MYO1E: variants seen among roughly 807,000 people sequenced by gnomAD.
MYO1E encodes the protein unconventional myosin-Ie.
MYO1E carries 68 observed loss-of-function variants against 151.1 expected under a neutral mutation model. The observed-to-expected ratio is 0.45, with a 90% CI of 0.37 to 0.55. MYO1E has a LOEUF of 0.55. Ranked by LOEUF, MYO1E falls within the 20% of genes least tolerant of loss-of-function variation. The pLI, the probability that MYO1E is intolerant of heterozygous loss-of-function variation, is 0.00. For synonymous variants in MYO1E, 601 were observed against 501.7 expected (o/e 1.20, Z -2.64); for missense variants, 1,363 against 1,389.3 (o/e 0.98, Z 0.30).
chr15:59,187,329 C>A (rs1335063317), intron 18 of MYO1E, among the ~76,000 whole-genome samples: 1 of 152,120 alleles, frequency 6.6e-6, no homozygotes, highest in Admixed American at 6.5e-5. Flanking sequence ...GGCTAACAGG[C>A]ACATGAAAAA....
intron 4 of MYO1E, among the ~76,000 whole-genome samples, chr15:59,248,486 C>CAA (rs71119447): frequency 0.29 from 16,407 of 56,604 alleles, 3,831 homozygotes; most frequent in African/African-American, 0.54. Context: ...GACTCCATCT[C>CAA]AAAAAAAAAA....
At chr15:59,218,217 A>G in intron 9 of MYO1E, 130 bp from the exon 10 acceptor site, 1 of 1,058,694 alleles carries the variant, frequency 9.4e-7, no homozygotes, top group Non-Finnish European at 1.4e-6. Flanking sequence ...CACGGGCCCC[A>G]AGAGCTTACG....
At chr15:59,150,251 C>A (rs1230131940) in intron 26 of MYO1E, among the ~76,000 whole-genome samples, 1 of 152,210 alleles carries the variant, frequency 6.6e-6, no homozygotes, top group African/African-American at 2.4e-5. Context: ...CCTCTCCTTC[C>A]GGCCTCATGG....
chr15:59,246,787 G>T (rs2080132921), intron 4 of MYO1E, among the ~76,000 whole-genome samples: 1 of 152,162 alleles, frequency 6.6e-6, no homozygotes, highest in African/African-American at 2.4e-5. Flanking sequence ...TACAGAAACT[G>T]CCCAGGTATG....
chr15:59,369,570 T>C (rs548626122), intron 1 of MYO1E, among the ~76,000 whole-genome samples: 4 of 152,302 alleles, frequency 2.6e-5, no homozygotes, highest in African/African-American at 7.2e-5. Context: ...AGAGATTTTT[T>C]TGTACTCTGC....
rs143316577 is a variant in MYO1E, at chr15:59,176,328, G to A, written c.2049+2065C>T. Among the ~76,000 whole-genome samples, 1,401 of 152,254 alleles carry A rather than the reference G, an allele frequency of 9.2e-3. 21 individuals carry two copies. Among genetic ancestry groups the A allele is most frequent in the African/African-American group, 0.031 (1,305 of 41,550 alleles). ...GCCGGCCTCAGCCCCCCAAAGTGCT[G>A]GGATTACAGGCGTGAGCCACTGCGC... On this transcript the variant is annotated intron_variant, in intron 19 of 27. Coordinates refer to ENST00000288235, the MANE Select transcript of MYO1E (RefSeq NM_004998.4).
At chr15:59,215,649 C>CAAAATG (rs1226908276) in intron 10 of MYO1E, among the ~76,000 whole-genome samples, 1 of 152,134 alleles carries the variant, frequency 6.6e-6, no homozygotes, top group Admixed American at 6.5e-5. Context: ...TCCAGGCAAA[C>CAAAATG]AAAATGAAAT....
At chr15:59,162,652 A>AAAAAAAG (rs1248248997) in intron 23 of MYO1E, among the ~76,000 whole-genome samples, 3 of 128,148 alleles carry the variant, frequency 2.3e-5, no homozygotes, top group Admixed American at 2.3e-4. Flanking sequence ...TCTCAAGAAA[A>AAAAAAAG]AAAAAAGAAA....
chr15:59,372,574 G>C lies in MYO1E; in HGVS notation c.-74C>G. The C allele has an allele frequency of 2.6e-6, 4 of 1,519,228 alleles. No homozygotes were observed. Among genetic ancestry groups the C allele is most frequent in the Non-Finnish European group, 3.5e-6 (4 of 1,131,778 alleles). 94.1% of individuals were successfully genotyped at this position (1,519,228 alleles called of 1,614,324 possible). On this transcript the variant is annotated 5_prime_UTR_variant, in exon 1 of 28. Transcript: ENST00000288235. ...ACTGGGGCTGGAACGCAGTCTTCTG[G>C]GCGAACTTCAAAAGTTGGTTCCCCT...
intron 2 of MYO1E, among the ~76,000 whole-genome samples, chr15:59,265,849 C>A (rs1193635367): frequency 6.7e-6 from 1 of 150,142 alleles, no homozygotes; most frequent in Non-Finnish European, 1.5e-5. Flanking sequence ...CACATGTAGT[C>A]CCAGCTACTT....
At chr15:59,324,986 T>C (rs1212118887) in intron 1 of MYO1E, among the ~76,000 whole-genome samples, 1 of 150,380 alleles carries the variant, frequency 6.6e-6, no homozygotes, top group Non-Finnish European at 1.5e-5. Context: ...TGAAGAACTA[T>C]CTTCCCTTCA....
At chr15:59,171,758 A>T in intron 22 of MYO1E, 139 bp downstream of exon 22, 1 of 1,138,898 alleles carries the variant, frequency 8.8e-7, no homozygotes, top group Non-Finnish European at 1.3e-6. Context: ...CCTTTGGGAC[A>T]AAGGGAAATT....
At chr15:59,361,859 T>C (rs1186727635) in intron 1 of MYO1E, among the ~76,000 whole-genome samples, 3 of 152,080 alleles carry the variant, frequency 2.0e-5, no homozygotes, top group African/African-American at 7.2e-5. Context: ...TTTTTTGAGA[T>C]GGAGTCTGGC....
intron 1 of MYO1E, among the ~76,000 whole-genome samples, chr15:59,355,174 A>G (rs2080846459): frequency 6.6e-6 from 1 of 152,166 alleles, no homozygotes; most frequent in Admixed American, 6.5e-5. Context: ...ATACAAACAC[A>G]AACCATGAGC....
At chr15:59,219,000 G>GGAGGCAAA (rs1288576315) in intron 9 of MYO1E, among the ~76,000 whole-genome samples, 1 of 152,158 alleles carries the variant, frequency 6.6e-6, no homozygotes, top group Non-Finnish European at 1.5e-5. Flanking sequence ...TATTTGGGCT[G>GGAGGCAAA]GAGGCAAAAG....
chr15:59,269,381 C>G (rs2080276176), intron 2 of MYO1E, among the ~76,000 whole-genome samples: 1 of 152,346 alleles, frequency 6.6e-6, no homozygotes, highest in Non-Finnish European at 1.5e-5. Flanking sequence ...TCCAGATCCA[C>G]ATCCTGCCAC....
At chr15:59,153,379 A>G (rs2079492421) in intron 26 of MYO1E, among the ~76,000 whole-genome samples, 1 of 152,192 alleles carries the variant, frequency 6.6e-6, no homozygotes, top group Admixed American at 6.5e-5. Context: ...CTCTCTGGAG[A>G]ATGAAATGAA....
chr15:59,258,022 T>C (rs1338922557), intron 3 of MYO1E, among the ~76,000 whole-genome samples: 2 of 152,134 alleles, frequency 1.3e-5, no homozygotes, highest in Admixed American at 1.3e-4. Context: ...TGCCATAAGA[T>C]TTTTGGGCAG....
At chr15:59,229,816 T>G (rs6494080) in intron 6 of MYO1E, among the ~76,000 whole-genome samples, 2 of 151,948 alleles carry the variant, frequency 1.3e-5, no homozygotes, top group African/African-American at 4.8e-5. Flanking sequence ...ATTACTGTCA[T>G]AGATGTCAAA....
Sources: allele counts gnomAD v4.1 joint callset (sites outside exome capture counted in the v4.1 genomes callset), GRCh38; gene constraint gnomAD v4.1.1; transcripts MANE v1.5; gene names NCBI Gene and HGNC (gene_info 2026-07-23, HGNC 2026-07-21).